The following CAST variants were observed in gnomAD, a reference collection of about 807,000 sequenced individuals.
CAST encodes calpastatin.
CAST carries 76 observed loss-of-function variants against 119.6 expected under a neutral mutation model. The ratio of observed to expected loss-of-function variants is 0.64; its 90% CI spans 0.53 to 0.77. CAST has a LOEUF of 0.77. CAST is among the 30% of genes least tolerant of loss of function. The pLI is 0.00. For synonymous variants in CAST, 319 were observed against 331.6 expected (o/e 0.96, Z 0.41); for missense variants, 953 against 946.5 (o/e 1.01, Z -0.09).
intron 1 of CAST, among the ~76,000 whole-genome samples, chr5:96,537,057 A>G (rs1167990056): frequency 6.6e-6 from 1 of 152,232 alleles, no homozygotes; most frequent in Non-Finnish European, 1.5e-5. Flanking sequence ...AAATACAAAT[A>G]CGACTAAAAT....
chr5:96,068,214 G>A, the CAST span, among the ~76,000 whole-genome samples: 1 of 152,050 alleles, frequency 6.6e-6, no homozygotes, highest in African/African-American at 2.4e-5. Flanking sequence ...TCATTGCTTG[G>A]GAATTTCTTC....
At chr5:96,268,862 G>A in the CAST span, among the ~76,000 whole-genome samples, 2 of 152,296 alleles carry the variant, frequency 1.3e-5, no homozygotes, top group Non-Finnish European at 2.9e-5. Flanking sequence ...TAATCCCCAT[G>A]TGTAGGGGAG....
the CAST span, among the ~76,000 whole-genome samples, chr5:96,118,150 C>G: frequency 2.6e-5 from 4 of 152,072 alleles, no homozygotes; most frequent in East Asian, 5.8e-4. Flanking sequence ...GGTCCAAGTT[C>G]CAATTCAGAC....
intron 1 of CAST, among the ~76,000 whole-genome samples, chr5:96,536,232 G>T (rs930135537): frequency 6.6e-6 from 1 of 151,836 alleles, no homozygotes; most frequent in Non-Finnish European, 1.5e-5. Context: ...GGTGAGAGAC[G>T]CCTGTAATCC....
the CAST span, among the ~76,000 whole-genome samples, chr5:96,231,217 G>A: frequency 6.6e-6 from 1 of 152,080 alleles, no homozygotes; most frequent in East Asian, 1.9e-4. Context: ...TATCCAAAGA[G>A]TAGGAACAAC....
the CAST span, among the ~76,000 whole-genome samples, chr5:96,301,383 C>A: frequency 2.6e-5 from 4 of 152,058 alleles, no homozygotes; most frequent in Non-Finnish European, 5.9e-5. Flanking sequence ...CTGCCCCTGG[C>A]CCCTCCCAAA....
intron 20 of CAST, among the ~76,000 whole-genome samples, chr5:96,753,711 G>A (rs1050123849): frequency 6.6e-6 from 1 of 152,190 alleles, no homozygotes; most frequent in South Asian, 2.1e-4. Context: ...GCCGTCTATG[G>A]AATGATCTCC....
At chr5:96,736,778 C>T (rs2150490865) in intron 10 of CAST, among the ~76,000 whole-genome samples, 1 of 152,114 alleles carries the variant, frequency 6.6e-6, no homozygotes, top group East Asian at 1.9e-4. Context: ...GGTTATTGTT[C>T]ATAACGAGTC....
chr5:96,298,879 A>AGTGTGTGTGTGTGTGTGTGT, the CAST span, among the ~76,000 whole-genome samples: 2 of 149,588 alleles, frequency 1.3e-5, no homozygotes, highest in African/African-American at 2.5e-5. Flanking sequence ...AAATTAGGAG[A>AGTGTGTGTGTGTGTGTGTGT]GTGTGTGTGT....
chr5:96,498,278 T>C, the CAST span, among the ~76,000 whole-genome samples: 1 of 152,252 alleles, frequency 6.6e-6, no homozygotes, highest in Non-Finnish European at 1.5e-5. Flanking sequence ...TGTAGTATAG[T>C]TTGAAGTCAG....
the CAST span, among the ~76,000 whole-genome samples, chr5:96,079,765 ATT>A: frequency 1.3e-5 from 2 of 152,142 alleles, no homozygotes; most frequent in African/African-American, 2.4e-5. Context: ...CATCTTGGTT[ATT>A]ATTATTTTTA....
the CAST span, among the ~76,000 whole-genome samples, chr5:96,226,993 A>G: frequency 3.9e-5 from 6 of 152,174 alleles, no homozygotes; most frequent in African/African-American, 1.4e-4. Context: ...TAGCTAACCA[A>G]TGGGCTGATT....
At chr5:96,483,952 C>T in the CAST span, among the ~76,000 whole-genome samples, 2 of 152,104 alleles carry the variant, frequency 1.3e-5, no homozygotes, top group Non-Finnish European at 1.5e-5. Flanking sequence ...GCCTCTTGAC[C>T]GCCTATGTGA....
At chr5:96,244,082 T>A in the CAST span, among the ~76,000 whole-genome samples, 1 of 152,234 alleles carries the variant, frequency 6.6e-6, no homozygotes, top group African/African-American at 2.4e-5. Flanking sequence ...CTGACCACAC[T>A]GCCCTAAGGC....
chr5:96,461,785 A>G, the CAST span, among the ~76,000 whole-genome samples: 2 of 152,156 alleles, frequency 1.3e-5, no homozygotes, highest in African/African-American at 2.4e-5. Context: ...AATACTTATC[A>G]TAGGCACAAT....
At chr5:96,009,253 A>G in the CAST span, among the ~76,000 whole-genome samples, 3 of 152,206 alleles carry the variant, frequency 2.0e-5, no homozygotes, top group African/African-American at 7.2e-5. Flanking sequence ...GCTATTGTGA[A>G]TAGCATGGCA....
At chr5:96,173,950 G>A in the CAST span, among the ~76,000 whole-genome samples, 8 of 152,052 alleles carry the variant, frequency 5.3e-5, no homozygotes, top group African/African-American at 1.9e-4. Flanking sequence ...TCCCGTGTTA[G>A]CCAGGATGGT....
the CAST span, among the ~76,000 whole-genome samples, chr5:96,508,000 ATT>A: frequency 9.7e-5 from 6 of 61,778 alleles, no homozygotes; most frequent in Admixed American, 8.2e-4. Flanking sequence ...CATTATTATT[ATT>A]ATTATTATTA....
chr5:96,065,194 T>C, the CAST span, among the ~76,000 whole-genome samples: 1 of 152,126 alleles, frequency 6.6e-6, no homozygotes, highest in Non-Finnish European at 1.5e-5. Flanking sequence ...TTGGCTTTTT[T>C]TTTTATCATT....
Sources: allele counts gnomAD v4.1 joint callset (sites outside exome capture counted in the v4.1 genomes callset), GRCh38; gene constraint gnomAD v4.1.1; transcripts MANE v1.5; gene names NCBI Gene and HGNC (gene_info 2026-07-23, HGNC 2026-07-21).